PLXNB1: variants seen among roughly 807,000 people sequenced by gnomAD.
The protein encoded by PLXNB1 is plexin B1.
Under a neutral mutation model 209.4 loss-of-function variants are expected in PLXNB1, and 106 were observed. That is an observed-to-expected ratio of 0.51 (90% confidence interval 0.43 to 0.59). PLXNB1 has a LOEUF of 0.59. Ranked by LOEUF, PLXNB1 falls within the 20% of genes least tolerant of loss-of-function variation. The pLI, the probability that PLXNB1 is intolerant of heterozygous loss-of-function variation, is 0.00. For missense variants in PLXNB1, 2,357 were observed against 2,853.2 expected (o/e 0.83, Z 3.96); for synonymous variants, 1,167 against 1,183.2 (o/e 0.99, Z 0.28).
chr3:48,409,277 C>A lies in PLXNB1; in HGVS notation c.6087+52G>T. On this transcript the variant is annotated intron_variant, in intron 34 of 37. Transcript: ENST00000296440. The surrounding 1 kb of genome is among the most constrained non-coding windows in gnomAD (Gnocchi z 5.8). ...AAAGCCTGGAATCTGAGTGCACACA[C>A]AGCACTGTCCACCCTCACCCATCCC... The A allele has an allele frequency of 1.3e-6, 2 of 1,585,976 alleles. No individual in the cohort carries two copies. Among genetic ancestry groups the A allele is most frequent in the Non-Finnish European group, 1.7e-6 (2 of 1,167,312 alleles).
At position 48,416,495 on chromosome 3, in the gene PLXNB1, G is replaced by A; in HGVS notation, c.3375-44C>T. 7.2e-7 allele frequency: 1 copy of A among 1,395,560 alleles called. No individual in the cohort carries two copies. 86.4% of individuals were successfully genotyped at this position (1,395,560 alleles called of 1,614,324 possible). ...CTAGGGGGTGCCAGGCTGCATCAAG[G>A]GCCCCTCAAGCTTACCTGGCAGCCC... On this transcript the variant is annotated intron_variant, in intron 16 of 37. Coordinates refer to ENST00000296440, the MANE Select transcript of PLXNB1 (RefSeq NM_001130082.3). This position sits in a 1 kb window ranked among gnomAD's most constrained non-coding sequence, Gnocchi z 4.1.
rs1278681190 is a variant in PLXNB1 at position 48,411,007 on chromosome 3, A to G, written c.5277T>C (p.Pro1759=). 3.1e-6 allele frequency: 5 copies of G among 1,613,494 alleles called. No individual in the cohort carries two copies. The African/African-American group carries it at 5.3e-5, about 17-fold the overall frequency. Residue 1759 remains proline, a synonymous_variant, in exon 29 of 38, where the codon CCT becomes CCC. Transcript: ENST00000296440. The surrounding 1 kb of genome is among the most constrained non-coding windows in gnomAD (Gnocchi z 4.0). ...GCACGCCCTGGGCCTCTCCTGCCCC[A>G]GGCCCCACAGCCAATAGTGCATTCA... The part of the protein sequence containing the change: ...LTLNALLAVG[P]GAGEAQGVPV...
At chr3:48,427,790 CCT>C (rs2038971611) in intron 1 of PLXNB1, among the ~76,000 whole-genome samples, 2 of 152,212 alleles carry the variant, frequency 1.3e-5, no homozygotes, top group Non-Finnish European at 2.9e-5. Flanking sequence ...GGGAGCCTCC[CCT>C]GTCCTCCCAG....
chr3:48,406,812 G>A lies in PLXNB1; in HGVS notation c.6228+11C>T. Reference sequence around the variant, plus strand: ...CCTATGCCCAACCCAAGAAGCAGAGGGAGGCCTTACCCAGGACAGTTCAGC... The same window carrying A: ...CCTATGCCCAACCCAAGAAGCAGAGAGAGGCCTTACCCAGGACAGTTCAGC... On this transcript the variant is annotated intron_variant, in intron 36 of 37. Coordinates refer to ENST00000296440, the MANE Select transcript of PLXNB1 (RefSeq NM_001130082.3). This position sits in a 1 kb window ranked among gnomAD's most constrained non-coding sequence, Gnocchi z 4.4. The A allele has an allele frequency of 1.9e-6, 3 of 1,598,628 alleles. No individual in the cohort carries two copies. The highest frequency in any genetic ancestry group is 2.6e-6 in the Non-Finnish European group (3 of 1,172,304).
At position 48,415,293 on chromosome 3, in the gene PLXNB1, T is replaced by C; in HGVS notation, c.3849A>G (p.Pro1283=). 4 of 1,613,616 alleles carry C rather than the reference T, an allele frequency of 2.5e-6. No individual in the cohort carries two copies. The highest frequency in any genetic ancestry group is 2.5e-6 in the Non-Finnish European group (3 of 1,180,008). Residue 1283 remains proline (P), a synonymous_variant, in exon 20 of 38, where the codon CCA becomes CCG. Coordinates refer to ENST00000296440, the MANE Select transcript of PLXNB1 (RefSeq NM_001130082.3). The surrounding 1 kb of genome is among the most constrained non-coding windows in gnomAD (Gnocchi z 5.0). ...RGQNLDVVQT[P]RIRVTVVSRM... Reference sequence around the variant, plus strand: ...TCGAGACCACGGTCACCCGGATTCTTGGCGTCTGTACCACGTCCAGATTCT... The same window carrying C: ...TCGAGACCACGGTCACCCGGATTCTCGGCGTCTGTACCACGTCCAGATTCT...
Position 48,409,305 on chromosome 3 carries a change from C to CG in PLXNB1, c.6087+23dup. On this transcript the variant is annotated intron_variant, in intron 34 of 37. Coordinates refer to ENST00000296440, the MANE Select transcript of PLXNB1 (RefSeq NM_001130082.3). The surrounding 1 kb of genome is among the most constrained non-coding windows in gnomAD (Gnocchi z 5.8). Reference sequence around the variant, plus strand: ...CACTGTCCACCCTCACCCATCCCCCCGTGTCCATCCCAGACTCGCTCACCC... The same window carrying CG: ...CACTGTCCACCCTCACCCATCCCCCCGGTGTCCATCCCAGACTCGCTCACCC... 1 of 1,613,118 alleles carries CG rather than the reference C, an allele frequency of 6.2e-7. No individual in the cohort carries two copies. Among genetic ancestry groups the CG allele is most frequent in the Admixed American group, 1.7e-5 (1 of 59,986 alleles).
In PLXNB1 at chr3:48,413,565, G is replaced by T; in HGVS notation, c.4535+105C>A. 2 of 1,201,064 alleles carry T rather than the reference G, an allele frequency of 1.7e-6. No homozygotes were observed. Among genetic ancestry groups the T allele is most frequent in the African/African-American group, 1.5e-5 (1 of 65,138 alleles). The allele number at this position is 1,201,064 out of a possible 1,614,324, so 74.4% of individuals were successfully genotyped here. On this transcript the variant is annotated intron_variant, in intron 23 of 37. Coordinates refer to ENST00000296440, the MANE Select transcript of PLXNB1 (RefSeq NM_001130082.3). The surrounding 1 kb of genome is among the most constrained non-coding windows in gnomAD (Gnocchi z 5.4). ...GCAAAGCGAAAATATTTACTCTCTG[G>T]CCATTTACAGAGAATGTTTCCTGAC...
intron 21 of PLXNB1, among the ~76,000 whole-genome samples, 184 bp downstream of exon 21, chr3:48,414,615 C>T (rs1370977933): frequency 6.6e-6 from 1 of 152,192 alleles, no homozygotes; most frequent in Non-Finnish European, 1.5e-5. Flanking sequence ...CAGTCCAGCT[C>T]GTGCCAGATG....
In PLXNB1 at chr3:48,405,720, C is replaced by T; in HGVS notation, c.6303+4G>A. On this transcript the variant is annotated splice_donor_region_variant and intron_variant, in intron 37 of 37. Transcript: ENST00000296440. This position sits in a 1 kb window ranked among gnomAD's most constrained non-coding sequence, Gnocchi z 5.0. ...CTCCCAGTCGGGGTCCAGGGCCTGCCCACCTGGTCATAGTACTTGTTGATG... is the reference window on the plus strand; with the variant it reads ...CTCCCAGTCGGGGTCCAGGGCCTGCTCACCTGGTCATAGTACTTGTTGATG... The T allele has an allele frequency of 6.2e-7, 1 of 1,612,514 alleles. No individual in the cohort carries two copies.
rs376183231 is a variant in PLXNB1, at chr3:48,419,080, T to C, written c.2833-41A>G. ...ACAGCTGTTGGGCAGCTTCAGGAGC[T>C]GGGCCCAGGGAGTCCTGCAGGTCAC... On this transcript the variant is annotated intron_variant, in intron 12 of 37. Coordinates refer to ENST00000296440, the MANE Select transcript of PLXNB1 (RefSeq NM_001130082.3). This position sits in a 1 kb window ranked among gnomAD's most constrained non-coding sequence, Gnocchi z 5.7. The C allele has an allele frequency of 3.1e-6, 5 of 1,608,822 alleles. No homozygotes were observed. The highest frequency in any genetic ancestry group is 3.4e-6 in the Non-Finnish European group (4 of 1,175,986).
chr3:48,409,589 T>C lies in PLXNB1; in HGVS notation c.5921A>G (p.His1974Arg), dbSNP rs754327770. 5 of 1,613,624 alleles carry C rather than the reference T, an allele frequency of 3.1e-6. No homozygotes were observed. The highest frequency in any genetic ancestry group is 2.2e-5 in the East Asian group (1 of 44,856). ...ACCCCACCTGTTGGTCTTCCAGATG[T>C]GGATGGTGTCCTGGTCGGAGATGCC... The part of the protein sequence containing the change: ...QHGISDQDTI[H>R]IWKTNSLPLR... Residue 1974 changes from histidine (H) to arginine (R), a missense_variant, in exon 33 of 38, where the codon CAC (histidine) becomes CGC (arginine). By Grantham distance (29) the His-to-Arg change is conservative. This residue lies in a region of PLXNB1 where 414 missense variants were observed against 520.5 expected (regional missense o/e 0.80). Coordinates refer to ENST00000296440, the MANE Select transcript of PLXNB1 (RefSeq NM_001130082.3). This position sits in a 1 kb window ranked among gnomAD's most constrained non-coding sequence, Gnocchi z 5.8.
In PLXNB1 at chr3:48,412,241, C is replaced by T. The variant is rs2037733527; in HGVS notation, c.5097G>A (p.Val1699=). Residue 1699 remains valine (V), a synonymous_variant, in exon 27 of 38, where the codon GTG becomes GTA. Transcript: ENST00000296440. ...CTGTCCACCTCTGCCCCCTCACCCT[C>T]ACGAAGGTATACAGACAGATGGACA... is the stretch of plus-strand genomic sequence containing the variant. ...NWMSICLYTF[V]RDSVGEPLYM... 2 of 1,613,948 alleles carry T rather than the reference C, an allele frequency of 1.2e-6. No individual in the cohort carries two copies. Among genetic ancestry groups the T allele is most frequent in the Non-Finnish European group, 8.5e-7 (1 of 1,180,012 alleles).
Position 48,417,164 on chromosome 3 carries a change from G to T in PLXNB1, c.3375-713C>A, listed in dbSNP as rs554489385. On this transcript the variant is annotated intron_variant, in intron 16 of 37. Coordinates refer to ENST00000296440, the MANE Select transcript of PLXNB1 (RefSeq NM_001130082.3). The surrounding 1 kb of genome is among the most constrained non-coding windows in gnomAD (Gnocchi z 4.4). Reference sequence around the variant, plus strand: ...GTCTAGATAGTCACCGTAAGTTCTCGGTCATAACACATTCAGGGGACACTC... The same window carrying T: ...GTCTAGATAGTCACCGTAAGTTCTCTGTCATAACACATTCAGGGGACACTC... 6.6e-6 allele frequency among the ~76,000 whole-genome samples: 1 copy of T among 152,190 alleles called. No homozygotes were observed. The highest frequency in any genetic ancestry group is 1.5e-5 in the Non-Finnish European group (1 of 68,044).
chr3:48,412,208 C>T (rs1284331253), intron 27 of PLXNB1, 30 bp downstream of exon 27: 1 of 1,610,534 alleles, frequency 6.2e-7, no homozygotes, highest in Non-Finnish European at 8.5e-7. Flanking sequence ...CCTCCCTGGA[C>T]AGGAGCCCTG....
intron 21 of PLXNB1, 74 bp downstream of exon 21, chr3:48,414,725 C>A: frequency 3.2e-6 from 5 of 1,551,186 alleles, no homozygotes; most frequent in Non-Finnish European, 4.4e-6. Context: ...CTCGGCCTCT[C>A]CGCCACACAC....
chr3:48,422,024 G>C, intron 6 of PLXNB1, 81 bp downstream of exon 6: 1 of 1,379,526 alleles, frequency 7.2e-7, no homozygotes, highest in Non-Finnish European at 1.0e-6. Flanking sequence ...ATGGTCTAAG[G>C]GTCAGGAATT....
intron 7 of PLXNB1, 42 bp downstream of exon 7, chr3:48,421,632 C>T (rs1455112758): frequency 6.4e-7 from 1 of 1,561,074 alleles, no homozygotes; most frequent in African/African-American, 1.4e-5. Flanking sequence ...CCTTGATGCC[C>T]AGAGCCCTCC....
In PLXNB1 at chr3:48,413,122, T is replaced by C; in HGVS notation, c.4583A>G (p.Gln1528Arg). The change falls in exon 24 of 38, where the codon CAG (glutamine) becomes CGG (arginine). Residue 1528 changes from glutamine to arginine, a missense_variant. Transcript: ENST00000296440. This position sits in a 1 kb window ranked among gnomAD's most constrained non-coding sequence, Gnocchi z 5.4. ...ALRDYKKVQI[Q>R]LENLESSVRD... ...CACACTGCTCTCCAGATTCTCCAGC[T>C]GGATCTGAACCTTCTTATAGTCCCT... 1 of 1,613,886 alleles carries C rather than the reference T, an allele frequency of 6.2e-7. No individual in the cohort carries two copies. The highest frequency in any genetic ancestry group is 1.7e-5 in the Admixed American group (1 of 60,022).
Position 48,415,767 on chromosome 3 carries a change from G to T in PLXNB1, c.3618-8C>A. 1 of 1,540,386 alleles carries T rather than the reference G, an allele frequency of 6.5e-7. No homozygotes were observed. Among genetic ancestry groups the T allele is most frequent in the Non-Finnish European group, 8.8e-7 (1 of 1,138,658 alleles). On this transcript the variant is annotated splice_region_variant and splice_polypyrimidine_tract_variant and intron_variant, in intron 18 of 37. Coordinates refer to ENST00000296440, the MANE Select transcript of PLXNB1 (RefSeq NM_001130082.3). The surrounding 1 kb of genome is among the most constrained non-coding windows in gnomAD (Gnocchi z 5.0). Reference sequence around the variant, plus strand: ...GACTGCTGCTCCGGCAGCCTGGGAGGGGAGGTGGGAATGAATGCAGGGGCG... The same window carrying T: ...GACTGCTGCTCCGGCAGCCTGGGAGTGGAGGTGGGAATGAATGCAGGGGCG...
Sources: allele counts gnomAD v4.1 joint callset (sites outside exome capture counted in the v4.1 genomes callset), GRCh38; gene constraint gnomAD v4.1.1; regional missense constraint gnomAD v4.1.1; non-coding constraint Gnocchi (gnomAD v3.1); transcripts MANE v1.5; gene names NCBI Gene and HGNC (gene_info 2026-07-23, HGNC 2026-07-21).